CHRM2: variants seen among roughly 807,000 people sequenced by gnomAD.
CHRM2 encodes muscarinic acetylcholine receptor M2.
Under a neutral mutation model 25.0 loss-of-function variants are expected in CHRM2, and 8 were observed. That is an observed-to-expected ratio of 0.32 (90% CI 0.19 to 0.58). The LOEUF (loss-of-function observed/expected upper bound fraction) is 0.58. Ranked by LOEUF, CHRM2 falls within the 20% of genes least tolerant of loss-of-function variation. The pLI is 0.88. For synonymous variants in CHRM2, 202 were observed against 205.7 expected, an observed-to-expected ratio of 0.98 and a Z score of 0.15; for missense variants, 440 against 567.1, an observed-to-expected ratio of 0.78 and a Z score of 2.28.
At chr7:136,978,142 T>A (rs1256798983) in intron 2 of CHRM2, among the ~76,000 whole-genome samples, 1 of 152,110 alleles carries the variant, frequency 6.6e-6, no homozygotes, top group East Asian at 1.9e-4. Flanking sequence ...GGTGACGGGA[T>A]CATCTGTATC....
At chr7:136,910,813 G>GTA (rs1447932038) in intron 2 of CHRM2, among the ~76,000 whole-genome samples, 1 of 146,236 alleles carries the variant, frequency 6.8e-6, no homozygotes, top group Non-Finnish European at 1.5e-5. Flanking sequence ...GTGTGTGTGT[G>GTA]TGTGTGTGTG....
At chr7:136,896,660 C>A (rs182801630) in intron 2 of CHRM2, among the ~76,000 whole-genome samples, 2 of 152,146 alleles carry the variant, frequency 1.3e-5, no homozygotes, top group South Asian at 2.1e-4. Context: ...TAAATAACAC[C>A]TTTAGGATCA....
At chr7:136,996,022 G>A (rs1584896490) in intron 3 of CHRM2, among the ~76,000 whole-genome samples, 1 of 151,812 alleles carries the variant, frequency 6.6e-6, no homozygotes, top group Non-Finnish European at 1.5e-5. Context: ...AGAACTCAGT[G>A]TATGGAATTA....
At chr7:136,957,274 TG>T in intron 2 of CHRM2, among the ~76,000 whole-genome samples, 1 of 152,288 alleles carries the variant, frequency 6.6e-6, no homozygotes, top group South Asian at 2.1e-4. Context: ...TGTGTGTGTG[TG>T]TGTGCACATG....
chr7:136,997,228 A>G (rs1426391014), intron 3 of CHRM2, among the ~76,000 whole-genome samples: 3 of 152,194 alleles, frequency 2.0e-5, no homozygotes, highest in African/African-American at 2.4e-5. Context: ...ATGCTCATGT[A>G]TGTGTGTAGG....
chr7:136,967,636 A>G (rs970896994), intron 2 of CHRM2, among the ~76,000 whole-genome samples: 53 of 152,082 alleles, frequency 3.5e-4, no homozygotes, highest in Non-Finnish European at 6.9e-4. Context: ...TTTTATTTGG[A>G]TCTAGAAATG....
At chr7:136,893,509 G>A (rs889169364) in intron 2 of CHRM2, among the ~76,000 whole-genome samples, 7 of 152,124 alleles carry the variant, frequency 4.6e-5, no homozygotes, top group Admixed American at 1.3e-4. Flanking sequence ...GGTTATCTAA[G>A]ATAACTTCCT....
intron 2 of CHRM2, among the ~76,000 whole-genome samples, chr7:136,896,840 A>G (rs1290483291): frequency 6.6e-6 from 1 of 152,180 alleles, no homozygotes; most frequent in Non-Finnish European, 1.5e-5. Context: ...CACTACTTTA[A>G]CAAAGTTGAG....
chr7:136,992,562 C>A (rs1337812361), intron 3 of CHRM2, among the ~76,000 whole-genome samples: 2 of 152,104 alleles, frequency 1.3e-5, no homozygotes, highest in African/African-American at 4.8e-5. Context: ...ACCGTAAGCA[C>A]GTGACTTAAT....
chr7:136,990,139 C>A (rs537177587), intron 2 of CHRM2, among the ~76,000 whole-genome samples: 1 of 152,156 alleles, frequency 6.6e-6, no homozygotes, highest in South Asian at 2.1e-4. Context: ...CTCCTACCCT[C>A]ACACATGCAC....
rs751591780 is a variant in CHRM2, at chr7:137,015,228, G to T, written c.363G>T (p.Arg121Ser). 1 of 1,613,328 alleles carries T rather than the reference G, an allele frequency of 6.2e-7. No individual in the cohort carries two copies. The highest frequency in any genetic ancestry group is 1.1e-5 in the South Asian group (1 of 91,082). Residue 121 changes from arginine to serine, a missense_variant, in exon 4 of 4, where the codon AGG becomes AGT. Coordinates refer to ENST00000680005, the MANE Select transcript of CHRM2 (RefSeq NM_001006630.2). This position sits in a 1 kb window ranked among gnomAD's most constrained non-coding sequence, Gnocchi z 5.1. ...ATCTGCTCATCATCAGCTTTGACAG[G>T]TACTTCTGTGTCACAAAACCTCTGA... Reference protein sequence around the residue: ...VMNLLIISFDRYFCVTKPLTY... With the variant: ...VMNLLIISFDSYFCVTKPLTY...
chr7:137,009,218 C>T (rs768157734), intron 3 of CHRM2, among the ~76,000 whole-genome samples: 11 of 151,912 alleles, frequency 7.2e-5, no homozygotes, highest in East Asian at 3.9e-4. Context: ...TATAATTCTC[C>T]GCTTTTATCT....
chr7:136,940,294 C>T (rs1470517004), intron 2 of CHRM2, among the ~76,000 whole-genome samples: 1 of 152,108 alleles, frequency 6.6e-6, no homozygotes, highest in Admixed American at 6.5e-5. Context: ...GACAGCTGCC[C>T]GTATTTGAAG....
At chr7:136,913,417 T>C (rs187091812) in intron 2 of CHRM2, among the ~76,000 whole-genome samples, 26 of 152,078 alleles carry the variant, frequency 1.7e-4, no homozygotes, top group Admixed American at 1.7e-3. Context: ...ATCTGTCAGT[T>C]TCTAGAGGAG....
At chr7:136,909,731 C>T (rs1339480992) in intron 2 of CHRM2, among the ~76,000 whole-genome samples, 1 of 151,890 alleles carries the variant, frequency 6.6e-6, no homozygotes, top group Admixed American at 6.6e-5. Flanking sequence ...CCTAACCATA[C>T]ACCTTTAGAT....
At chr7:136,908,085 A>G (rs1434126742) in intron 2 of CHRM2, 2 of 151,966 alleles carry the variant, frequency 1.3e-5, no homozygotes, top group Non-Finnish European at 2.9e-5. Context: ...AGCATAGAGA[A>G]TAATAAAAAT....
At chr7:136,959,728 A>G (rs1177298288) in intron 2 of CHRM2, among the ~76,000 whole-genome samples, 3 of 152,126 alleles carry the variant, frequency 2.0e-5, no homozygotes, top group Non-Finnish European at 4.4e-5. Flanking sequence ...CCTGACCAAC[A>G]TGGAGAAGCA....
chr7:136,916,211 A>T (rs1798100989), intron 2 of CHRM2, among the ~76,000 whole-genome samples: 1 of 151,914 alleles, frequency 6.6e-6, no homozygotes, highest in East Asian at 1.9e-4. Context: ...AATTAAACGC[A>T]GTCTGATTAA....
intron 2 of CHRM2, among the ~76,000 whole-genome samples, chr7:136,893,531 T>G (rs1052479679): frequency 2.0e-5 from 3 of 152,168 alleles, no homozygotes; most frequent in African/African-American, 7.2e-5. Flanking sequence ...CTCACTAGAT[T>G]GCCCTCTGAT....
Sources: gnomAD v4.1 joint callset for allele counts (sites outside exome capture counted in the v4.1 genomes callset) on GRCh38, gnomAD v4.1.1 for gene constraint, Gnocchi (gnomAD v3.1) non-coding constraint, MANE v1.5 for transcripts, NCBI Gene and HGNC (gene_info 2026-07-23, HGNC 2026-07-21) for gene names.